The following WDR17 variants were observed in gnomAD, a reference collection of about 807,000 sequenced individuals.
WDR17 encodes WD repeat domain 17.
WDR17 carries 143 observed loss-of-function variants against 161.7 expected under a neutral mutation model. The observed-to-expected ratio is 0.88, with a 90% CI of 0.77 to 1.02. The LOEUF (loss-of-function observed/expected upper bound fraction) is 1.02. Ranked by LOEUF, WDR17 falls within the 50% of genes least tolerant of loss-of-function variation. WDR17 has a pLI of 0.00. For missense variants in WDR17, 1,469 were observed against 1,520.9 expected, an observed-to-expected ratio of 0.97 and a Z score of 0.57; for synonymous variants, 517 against 515.6, an observed-to-expected ratio of 1.00 and a Z score of -0.04.
At chr4:176,165,686 TG>T (rs1470825231) in intron 22 of WDR17, among the ~76,000 whole-genome samples, 2 of 152,164 alleles carry the variant, frequency 1.3e-5, no homozygotes, top group Admixed American at 1.3e-4. Context: ...TAAGTGGAAG[TG>T]GGTCATCATA....
chr4:176,127,605 C>A (rs538825042), intron 5 of WDR17, among the ~76,000 whole-genome samples: 1 of 152,068 alleles, frequency 6.6e-6, no homozygotes, highest in Non-Finnish European at 1.5e-5. Context: ...CCAATAGGCA[C>A]GGAAATTGTT....
chr4:176,082,960 T>C (rs559988119), intron 1 of WDR17, among the ~76,000 whole-genome samples: 4 of 152,230 alleles, frequency 2.6e-5, no homozygotes, highest in African/African-American at 9.6e-5. Flanking sequence ...AGTAAAATGT[T>C]TTTCTTTGAA....
At chr4:176,076,019 T>G (rs928544243) in intron 1 of WDR17, among the ~76,000 whole-genome samples, 3 of 151,928 alleles carry the variant, frequency 2.0e-5, no homozygotes, top group Non-Finnish European at 4.4e-5. Context: ...TTCAGTTTAA[T>G]AAAGTTATTA....
chr4:176,105,503 T>TA (rs1421830518), intron 1 of WDR17, among the ~76,000 whole-genome samples: 1 of 151,942 alleles, frequency 6.6e-6, no homozygotes, highest in African/African-American at 2.4e-5. Flanking sequence ...AAAAAGTAGT[T>TA]ATCATACATT....
chr4:176,150,323 A>C (rs1746915910), intron 15 of WDR17, 145 bp from the exon 16 acceptor site: 1 of 1,447,262 alleles, frequency 6.9e-7, no homozygotes, highest in African/African-American at 1.4e-5. Context: ...CAAATGTAAA[A>C]CTAGAAACAA....
In WDR17 at chr4:176,150,092, A is replaced by G; in HGVS notation, c.2097A>G (p.Ser699=). ...CTCCTCTACTGTGTGGTAAAGTGTC[A>G]AGAGATATTAGACAGGAAATAGAAA... is the stretch of plus-strand genomic sequence containing the variant. ...GTPPLLCGKV[S]RDIRQEIEKL... Residue 699 remains serine, a synonymous_variant, in exon 15 of 29, where the codon TCA becomes TCG. Coordinates refer to ENST00000508596, the MANE Select transcript of WDR17 (RefSeq NM_181265.4). 1 of 1,614,074 alleles carries G rather than the reference A, an allele frequency of 6.2e-7. No individual in the cohort carries two copies. Among genetic ancestry groups the G allele is most frequent in the South Asian group, 1.1e-5 (1 of 91,078 alleles).
In WDR17 at chr4:176,108,294, A is replaced by G. The variant is rs541497878; in HGVS notation, c.-6-3281A>G. Among the ~76,000 whole-genome samples the G allele has an allele frequency of 4.5e-4, 68 of 152,338 alleles. 1 individual carries two copies. Among genetic ancestry groups the G allele is most frequent in the South Asian group, 4.1e-4 (2 of 4,828 alleles). ...AAAGACATGAAGCCAAACTAAATGT[A>G]TATTACTAACTGAAAGAAGGCAGTC... On this transcript the variant is annotated intron_variant, in intron 1 of 28. Transcript: ENST00000508596.
At chr4:176,117,334 A>T (rs370446409) in intron 3 of WDR17, among the ~76,000 whole-genome samples, 1 of 152,024 alleles carries the variant, frequency 6.6e-6, no homozygotes, top group Non-Finnish European at 1.5e-5. Flanking sequence ...ATTTCCAAGT[A>T]CTTTAAATCC....
intron 12 of WDR17, among the ~76,000 whole-genome samples, chr4:176,146,840 G>A (rs1034732736): frequency 6.6e-6 from 1 of 151,784 alleles, no homozygotes; most frequent in Admixed American, 6.6e-5. Context: ...ATTGTCGTGT[G>A]CAAGCTTAAG....
rs879028560 is a variant in WDR17 at position 176,115,668 on chromosome 4, T to C, written c.124-128T>C. The stretch of plus-strand genomic sequence containing the variant: ...AATGTAGACCAAGGCTTGAAATATG[T>C]TCATATCTTTATTATTAGGTGAAAT... On this transcript the variant is annotated intron_variant, in intron 2 of 28. Transcript: ENST00000508596. 3 of 645,050 alleles carry C rather than the reference T, an allele frequency of 4.7e-6. No homozygotes were observed. The South Asian group carries it at 1.1e-4, about 24-fold the overall frequency. The allele number at this position is 645,050 out of a possible 1,614,324, so 40.0% of individuals were successfully genotyped here.
intron 1 of WDR17, among the ~76,000 whole-genome samples, chr4:176,106,173 T>C (rs1738684892): frequency 6.6e-6 from 1 of 152,064 alleles, no homozygotes; most frequent in Non-Finnish European, 1.5e-5. Context: ...TCGCATTTTC[T>C]GATTTCAAAA....
At chr4:176,156,701 TA>T (rs1748187330) in intron 18 of WDR17, among the ~76,000 whole-genome samples, 2 of 149,950 alleles carry the variant, frequency 1.3e-5, no homozygotes, top group Non-Finnish European at 1.5e-5. Context: ...AAAATTACCA[TA>T]AAATGGGTGG....
intron 10 of WDR17, among the ~76,000 whole-genome samples, chr4:176,141,462 T>C (rs1424127912): frequency 3.9e-5 from 6 of 152,306 alleles, no homozygotes; most frequent in East Asian, 3.9e-4. Context: ...TTTGTTGTTT[T>C]TCCATCGCTC....
chr4:176,078,119 CCTT>C (rs1734279981), intron 1 of WDR17, among the ~76,000 whole-genome samples: 2 of 151,972 alleles, frequency 1.3e-5, no homozygotes, highest in Admixed American at 1.3e-4. Flanking sequence ...CTAGTTCATT[CCTT>C]CTTATTGCTG....
chr4:176,148,613 C>G (rs976531937), intron 13 of WDR17, among the ~76,000 whole-genome samples: 1 of 152,168 alleles, frequency 6.6e-6, no homozygotes, highest in Non-Finnish European at 1.5e-5. Context: ...CACACAAACA[C>G]ACACACAATG....
rs1157382310 is a variant in WDR17 at position 176,179,995 on chromosome 4, G to A, written c.*416G>A. On this transcript the variant is annotated 3_prime_UTR_variant, in exon 29 of 29. Coordinates refer to ENST00000508596, the MANE Select transcript of WDR17 (RefSeq NM_181265.4). ...GGATATTTGAATGATTGAATATCTT[G>A]AAATGTTGAAATGTAAGGTGTGCAC... The A allele has an allele frequency of 6.6e-6, 1 of 152,128 alleles. No homozygotes were observed. Among genetic ancestry groups the A allele is most frequent in the African/African-American group, 2.4e-5 (1 of 41,428 alleles). 9.4% of individuals were successfully genotyped at this position (152,128 alleles called of 1,614,324 possible). A position where few individuals can be genotyped will look rare whatever the true frequency, so the allele number is the denominator to read the frequency against.
chr4:176,094,133 A>G (rs1211431368), intron 1 of WDR17, among the ~76,000 whole-genome samples: 1 of 152,176 alleles, frequency 6.6e-6, no homozygotes, highest in Admixed American at 6.5e-5. Context: ...TTCTTAAGTG[A>G]TTTTGTTTAG....
chr4:176,071,438 T>C (rs1295789985), intron 1 of WDR17, among the ~76,000 whole-genome samples: 5 of 151,780 alleles, frequency 3.3e-5, no homozygotes, highest in Non-Finnish European at 7.4e-5. Context: ...TTCTCCTGCC[T>C]CAGCCTCCTG....
intron 19 of WDR17, among the ~76,000 whole-genome samples, chr4:176,160,619 G>T (rs1311790848): frequency 6.6e-6 from 1 of 152,198 alleles, no homozygotes; most frequent in African/African-American, 2.4e-5. Context: ...ACCACACACA[G>T]CCGAACTTAT....
Sources: allele counts gnomAD v4.1 joint callset (sites outside exome capture counted in the v4.1 genomes callset), GRCh38; gene constraint gnomAD v4.1.1; transcripts MANE v1.5; gene names NCBI Gene and HGNC (gene_info 2026-07-23, HGNC 2026-07-21).